Variants in ATP8B4 observed in about 807,000 individuals in gnomAD.
The protein encoded by ATP8B4 is ATPase phospholipid transporting 8B4 (putative), also known as probable phospholipid-transporting ATPase IM.
A neutral mutation model predicts 145.6 loss-of-function variants in ATP8B4; 133 were observed. That is an observed-to-expected ratio of 0.91 (90% confidence interval 0.79 to 1.05). The LOEUF (loss-of-function observed/expected upper bound fraction) is 1.05, where lower values mean the gene tolerates loss of function less well. ATP8B4 is among the 50% of genes least tolerant of loss of function. The pLI is 0.00. For synonymous variants in ATP8B4, 507 were observed against 492.9 expected, an observed-to-expected ratio of 1.03 and a Z score of -0.38; for missense variants, 1,458 against 1,425.2, an observed-to-expected ratio of 1.02 and a Z score of -0.37.
chr15:49,984,240 C>T (rs75284160), intron 10 of ATP8B4, among the ~76,000 whole-genome samples: 1 of 152,104 alleles, frequency 6.6e-6, no homozygotes, highest in Non-Finnish European at 1.5e-5. Context: ...TGAACCTCGA[C>T]ATAAGTAATT....
chr15:50,025,570 C>T (rs533805817), intron 6 of ATP8B4, among the ~76,000 whole-genome samples: 3 of 152,332 alleles, frequency 2.0e-5, no homozygotes, highest in Non-Finnish European at 2.9e-5. Context: ...ATGTTTTCAG[C>T]TCAAATGTAC....
chr15:50,004,132 A>C (rs113104097), intron 7 of ATP8B4, among the ~76,000 whole-genome samples: 42 of 151,972 alleles, frequency 2.8e-4, no homozygotes, highest in African/African-American at 9.9e-4. Context: ...CACTCCCTTC[A>C]TCCATCCTCC....
chr15:50,021,057 C>A (rs1448785327), intron 6 of ATP8B4, among the ~76,000 whole-genome samples: 1 of 151,898 alleles, frequency 6.6e-6, no homozygotes, highest in Non-Finnish European at 1.5e-5. Context: ...GAAAAGGATT[C>A]ATTGTACTGT....
chr15:50,117,047 T>C (rs1046721648), intron 1 of ATP8B4, among the ~76,000 whole-genome samples: 5 of 151,538 alleles, frequency 3.3e-5, no homozygotes, highest in Non-Finnish European at 4.4e-5. Flanking sequence ...TTTTTTATTT[T>C]TTATTTATTT....
At position 49,987,403 on chromosome 15, in the gene ATP8B4, C is replaced by T. The variant is rs776026144; in HGVS notation, c.736G>A (p.Val246Ile). The T allele has an allele frequency of 6.2e-7, 1 of 1,613,644 alleles. No individual in the cohort carries two copies. ...LRNTSWCFGM[V>I]IFAGPDTKLM... ...TCACATGCTGTACCTGCAAAAATAA[C>T]CATTCCAAAACACCAGCTGGTATTT... Residue 246 changes from valine (V) to isoleucine (I), a missense_variant, in exon 10 of 28, where the codon GTT becomes ATT. Val to Ile is a conservative substitution (Grantham distance 29). Transcript: ENST00000284509.
At chr15:49,999,788 A>G (rs1192917813) in intron 8 of ATP8B4, among the ~76,000 whole-genome samples, 1 of 152,136 alleles carries the variant, frequency 6.6e-6, no homozygotes, top group African/African-American at 2.4e-5. Flanking sequence ...AAGATACAGA[A>G]CACTTCTATC....
intron 1 of ATP8B4, among the ~76,000 whole-genome samples, chr15:50,116,169 G>C (rs1187269454): frequency 6.6e-6 from 1 of 152,178 alleles, no homozygotes; most frequent in Non-Finnish European, 1.5e-5. Flanking sequence ...CGTAATTCCA[G>C]CACTTTGGAA....
chr15:50,057,919 G>A (rs552152444), intron 3 of ATP8B4, among the ~76,000 whole-genome samples: 18 of 152,068 alleles, frequency 1.2e-4, no homozygotes, highest in East Asian at 7.7e-4. Context: ...GTGTTTAGAC[G>A]TATATAACAT....
chr15:50,143,196 C>A lies in ATP8B4; in HGVS notation c.-42-36188G>T, dbSNP rs563570692. The stretch of plus-strand genomic sequence containing the variant: ...TTATCTATTGCTGTGTAACAAATCA[C>A]CCCCAACACTTAGTGGCTTAAAACA... On this transcript the variant is annotated intron_variant, in intron 1 of 3. Coordinates refer to the ATP8B4 transcript ENST00000558829. 4.6e-5 allele frequency among the ~76,000 whole-genome samples: 7 copies of A among 152,320 alleles called. No individual in the cohort carries two copies. The South Asian group carries it at 1.2e-3, about 27-fold the overall frequency.
intron 14 of ATP8B4, among the ~76,000 whole-genome samples, chr15:49,935,787 ATTTAC>A (rs149706456): frequency 0.011 from 1,741 of 152,226 alleles, 38 homozygotes; most frequent in African/African-American, 0.04. Flanking sequence ...GATTTAAGTC[ATTTAC>A]TTTACTTCTC....
At chr15:49,959,120 T>C (rs2043842386) in intron 14 of ATP8B4, among the ~76,000 whole-genome samples, 1 of 151,958 alleles carries the variant, frequency 6.6e-6, no homozygotes, top group South Asian at 2.1e-4. Context: ...CAGTTTAACA[T>C]GACAAGTGGC....
In ATP8B4 at chr15:49,876,358, C is replaced by T. The variant is rs749232421; in HGVS notation, c.2947G>A (p.Glu983Lys). Residue 983 changes from glutamate (E) to lysine (K), a missense_variant, in exon 25 of 28, where the codon GAA (glutamate) becomes AAA (lysine). Physicochemically the swap from Glu to Lys is moderately conservative, Grantham distance 56 (BLOSUM62 1). Transcript: ENST00000284509. ...TAGTCAGCAATATGTTGCCCATCTTCTCCAGCCACGTTGTAAAAGGCCCCA... is the reference window on the plus strand; with the variant it reads ...TAGTCAGCAATATGTTGCCCATCTTTTCCAGCCACGTTGTAAAAGGCCCCA... ...PYGAFYNVAGEDGQHIADYQS... is the reference protein window; with the variant it reads ...PYGAFYNVAGKDGQHIADYQS... The T allele has an allele frequency of 1.1e-5, 17 of 1,613,992 alleles. No individual in the cohort carries two copies. The Admixed American group carries it at 1.3e-4, about 13-fold the overall frequency.
chr15:50,059,246 T>C (rs1185605249), intron 3 of ATP8B4, among the ~76,000 whole-genome samples: 1 of 152,162 alleles, frequency 6.6e-6, no homozygotes, highest in Admixed American at 6.5e-5. Context: ...ATGTGGATGC[T>C]GAGCAGAGCA....
chr15:50,156,034 C>T (rs56010143), intron 1 of ATP8B4, among the ~76,000 whole-genome samples: 13,414 of 132,096 alleles, frequency 0.1, 1,079 homozygotes, highest in Non-Finnish European at 0.16. Flanking sequence ...AACAAAATCT[C>T]CTAATAGCCC....
chr15:49,972,521 G>A, intron 13 of ATP8B4, 61 bp downstream of exon 13: 1 of 1,507,108 alleles, frequency 6.6e-7, no homozygotes, highest in Non-Finnish European at 9.0e-7. Flanking sequence ...TTTTTTAATG[G>A]GGTCAGTTAT....
At chr15:49,898,276 A>G in intron 21 of ATP8B4, 25 bp from the exon 22 acceptor site, 1 of 1,595,724 alleles carries the variant, frequency 6.3e-7, no homozygotes, top group East Asian at 2.2e-5. Context: ...ATAAAATTCA[A>G]ACAAGAACAG....
At chr15:49,908,867 G>A (rs2038919918) in intron 20 of ATP8B4, among the ~76,000 whole-genome samples, 1 of 152,030 alleles carries the variant, frequency 6.6e-6, no homozygotes, top group East Asian at 1.9e-4. Context: ...CATGCCCTAA[G>A]GATAGGCTAC....
chr15:49,917,911 A>C (rs2039902500), intron 19 of ATP8B4, among the ~76,000 whole-genome samples: 1 of 152,204 alleles, frequency 6.6e-6, no homozygotes, highest in African/African-American at 2.4e-5. Context: ...GACCAAAATC[A>C]AACTCTAGAG....
intron 20 of ATP8B4, among the ~76,000 whole-genome samples, chr15:49,910,018 C>T (rs2039066146): frequency 6.6e-6 from 1 of 151,848 alleles, no homozygotes; most frequent in African/African-American, 2.4e-5. Flanking sequence ...TTATGAAATT[C>T]CCATAAAAAT....
Sources: gnomAD v4.1 joint callset for allele counts (sites outside exome capture counted in the v4.1 genomes callset) on GRCh38, gnomAD v4.1.1 for gene constraint, MANE v1.5 for transcripts, NCBI Gene and HGNC (gene_info 2026-07-23, HGNC 2026-07-21) for gene names.